CNTN4: variants seen among roughly 807,000 people sequenced by gnomAD.
The protein encoded by CNTN4 is contactin 4.
Under a neutral mutation model 122.5 loss-of-function variants are expected in CNTN4, and 77 were observed. The ratio of observed to expected loss-of-function variants is 0.63; its 90% CI spans 0.52 to 0.76. CNTN4 has a LOEUF of 0.76. CNTN4 is among the 30% of genes least tolerant of loss of function. CNTN4 has a pLI of 0.00. For synonymous variants in CNTN4, 512 were observed against 447.0 expected (o/e 1.15, Z -1.83); for missense variants, 1,256 against 1,259.1 (o/e 1.00, Z 0.04).
intron 2 of CNTN4, among the ~76,000 whole-genome samples, chr3:2,225,972 T>A (rs951735820): frequency 2.0e-5 from 3 of 152,192 alleles, no homozygotes; most frequent in Admixed American, 6.5e-5. Flanking sequence ...GCAAGTTACT[T>A]AGATTTTCTG....
intron 2 of CNTN4, among the ~76,000 whole-genome samples, chr3:2,121,381 C>A (rs1480631637): frequency 1.3e-5 from 2 of 151,908 alleles, no homozygotes; most frequent in Admixed American, 6.6e-5. Context: ...GCCTGTAAAC[C>A]CAGCTACTCA....
At chr3:2,750,711 C>A (rs1005398731) in intron 6 of CNTN4, among the ~76,000 whole-genome samples, 1 of 152,172 alleles carries the variant, frequency 6.6e-6, no homozygotes, top group Non-Finnish European at 1.5e-5. Context: ...TACCTTTTAG[C>A]CCTTCTATTT....
intron 13 of CNTN4, among the ~76,000 whole-genome samples, chr3:2,966,472 A>T (rs1692320853): frequency 6.6e-6 from 1 of 152,198 alleles, no homozygotes; most frequent in Admixed American, 6.5e-5. Context: ...AATAACAATT[A>T]CCAGAAGGAG....
chr3:2,575,064 G>T (rs192035683), intron 4 of CNTN4, among the ~76,000 whole-genome samples: 1 of 152,070 alleles, frequency 6.6e-6, no homozygotes, highest in African/African-American at 2.4e-5. Context: ...TAGAAGAGAA[G>T]AAGTCTAATA....
chr3:2,870,528 C>A (rs1246268046), intron 8 of CNTN4, among the ~76,000 whole-genome samples: 1 of 152,172 alleles, frequency 6.6e-6, no homozygotes, highest in Non-Finnish European at 1.5e-5. Flanking sequence ...TTGTTAAAAT[C>A]TATTCTGTGA....
chr3:2,917,086 G>C lies in CNTN4; in HGVS notation c.1208-8543G>C, dbSNP rs965458583. ...AGGCCGAGGCTGGCGGATCACTCGC[G>C]GTTAGGAGCTGGAGACCAGCCCGGC... On this transcript the variant is annotated intron_variant, in intron 12 of 24. Coordinates refer to ENST00000418658, the MANE Select transcript of CNTN4 (RefSeq NM_175607.3). Among the ~76,000 whole-genome samples, 2 of 128,018 alleles carry C rather than the reference G, an allele frequency of 1.6e-5. 1 individual carries two copies. The highest frequency in any genetic ancestry group is 5.9e-5 in the African/African-American group (2 of 33,796). The allele number at this position is 128,018 out of a possible 152,430, so 84.0% of individuals were successfully genotyped here. A position where few individuals can be genotyped will look rare whatever the true frequency, so the allele number is the denominator to read the frequency against.
At chr3:2,435,491 G>T (rs2048228801) in intron 3 of CNTN4, among the ~76,000 whole-genome samples, 1 of 152,166 alleles carries the variant, frequency 6.6e-6, no homozygotes, top group South Asian at 2.1e-4. Flanking sequence ...AAATATTTTT[G>T]ATCTGCAGTT....
intron 2 of CNTN4, among the ~76,000 whole-genome samples, chr3:2,275,938 CA>C (rs78515660): frequency 0.54 from 74,299 of 136,914 alleles, 20,012 homozygotes; most frequent in South Asian, 0.65. Flanking sequence ...AAAAAAAAAA[CA>C]AAAAAAAATA....
chr3:2,209,761 T>A lies in CNTN4; in HGVS notation c.-145+109122T>A, dbSNP rs532115841. Among the ~76,000 whole-genome samples, 39 of 152,244 alleles carry A rather than the reference T, an allele frequency of 2.6e-4. No individual in the cohort carries two copies. In the South Asian group the frequency reaches 6.0e-3, roughly 23 times the overall value. On this transcript the variant is annotated intron_variant, in intron 2 of 24. Coordinates refer to ENST00000418658, the MANE Select transcript of CNTN4 (RefSeq NM_175607.3). The stretch of plus-strand genomic sequence containing the variant: ...TAACAGAAGTAATAAGTACAACTTC[T>A]GGGGAAAATTTTAAGAATCAGTTGG...
At chr3:2,176,199 A>G (rs1236942879) in intron 2 of CNTN4, among the ~76,000 whole-genome samples, 4 of 152,190 alleles carry the variant, frequency 2.6e-5, no homozygotes, top group Admixed American at 2.0e-4. Flanking sequence ...AGATTCTTCA[A>G]CAGTAGGGAG....
At chr3:2,221,653 G>A (rs2039065841) in intron 2 of CNTN4, among the ~76,000 whole-genome samples, 1 of 151,982 alleles carries the variant, frequency 6.6e-6, no homozygotes. Context: ...TATCTGATAT[G>A]GGACTTATAA....
At chr3:2,764,873 G>A (rs1185589047) in intron 6 of CNTN4, among the ~76,000 whole-genome samples, 2 of 152,124 alleles carry the variant, frequency 1.3e-5, no homozygotes. Flanking sequence ...ACGAAGGAGA[G>A]AACTCAGACA....
intron 13 of CNTN4, among the ~76,000 whole-genome samples, chr3:2,955,070 C>T (rs1010544604): frequency 6.6e-6 from 1 of 152,004 alleles, no homozygotes; most frequent in East Asian, 1.9e-4. Context: ...TTAGCTAAAG[C>T]AGAAATAGTC....
chr3:2,300,305 C>T (rs998974713), intron 2 of CNTN4, among the ~76,000 whole-genome samples: 4 of 152,048 alleles, frequency 2.6e-5, no homozygotes, highest in African/African-American at 9.7e-5. Flanking sequence ...TTAATAAATA[C>T]ATTTGCATAA....
At chr3:2,296,501 T>C (rs2042316967) in intron 2 of CNTN4, among the ~76,000 whole-genome samples, 1 of 152,122 alleles carries the variant, frequency 6.6e-6, no homozygotes, top group Non-Finnish European at 1.5e-5. Flanking sequence ...AAAGAGGATG[T>C]CACTGTAATA....
chr3:2,531,835 A>C (rs2077608113), intron 3 of CNTN4, among the ~76,000 whole-genome samples: 1 of 152,196 alleles, frequency 6.6e-6, no homozygotes, highest in Non-Finnish European at 1.5e-5. Context: ...AATCTGTCTT[A>C]ATATTCATAA....
intron 2 of CNTN4, among the ~76,000 whole-genome samples, chr3:2,301,991 T>A (rs970917111): frequency 2.0e-5 from 3 of 152,242 alleles, no homozygotes; most frequent in African/African-American, 7.2e-5. Flanking sequence ...ATCATACGTG[T>A]GTATGTGCAT....
intron 4 of CNTN4, among the ~76,000 whole-genome samples, chr3:2,726,379 AT>A (rs1205654972): frequency 6.6e-6 from 1 of 152,208 alleles, no homozygotes; most frequent in Non-Finnish European, 1.5e-5. Flanking sequence ...AAGCAGTGTC[AT>A]CTGCTACTCC....
Position 2,172,032 on chromosome 3 carries a change from C to T in CNTN4, c.-145+71393C>T, listed in dbSNP as rs146835918. Among the ~76,000 whole-genome samples the T allele has an allele frequency of 2.3e-4, 35 of 152,208 alleles. 1 individual carries two copies. Among genetic ancestry groups the T allele is most frequent in the African/African-American group, 6.5e-4 (27 of 41,534 alleles). ...GCACTCCAGGTGATTCTGATGGATC[C>T]GAATGTTTGAGAACCACTGCTCTGC... is the stretch of plus-strand genomic sequence containing the variant. On this transcript the variant is annotated intron_variant, in intron 2 of 24. Coordinates refer to ENST00000418658, the MANE Select transcript of CNTN4 (RefSeq NM_175607.3).
Sources: allele counts gnomAD v4.1 joint callset (sites outside exome capture counted in the v4.1 genomes callset), GRCh38; gene constraint gnomAD v4.1.1; transcripts MANE v1.5; gene names NCBI Gene and HGNC (gene_info 2026-07-23, HGNC 2026-07-21).